The following GPC5 variants were observed in gnomAD, a reference collection of about 807,000 sequenced individuals.
GPC5 encodes the protein glypican 5.
GPC5 carries 47 observed loss-of-function variants against 53.9 expected under a neutral mutation model. The observed-to-expected ratio is 0.87, with a 90% CI of 0.69 to 1.11. The LOEUF (loss-of-function observed/expected upper bound fraction) is 1.11, where lower values mean the gene tolerates loss of function less well. Among genes scored for constraint, GPC5 ranks in the 50% most tolerant of loss-of-function variants. The pLI is 0.00. For missense variants in GPC5, 748 were observed against 713.1 expected (o/e 1.05, Z -0.56); for synonymous variants, 286 against 263.3 (o/e 1.09, Z -0.84).
chr13:91,672,150 AC>A (rs757971753), intron 2 of GPC5, among the ~76,000 whole-genome samples: 2 of 152,198 alleles, frequency 1.3e-5, no homozygotes, highest in African/African-American at 4.8e-5. Context: ...CTAGTTGAAA[AC>A]CTAGGCAATA....
chr13:92,113,659 C>A (rs926423642), intron 6 of GPC5, among the ~76,000 whole-genome samples: 1 of 151,912 alleles, frequency 6.6e-6, no homozygotes, highest in Non-Finnish European at 1.5e-5. Flanking sequence ...CCAGAAATAC[C>A]ATATACAAGA....
chr13:91,923,599 T>C (rs900955976), intron 6 of GPC5, among the ~76,000 whole-genome samples: 1 of 141,166 alleles, frequency 7.1e-6, no homozygotes, highest in Non-Finnish European at 1.6e-5. Flanking sequence ...TTTTGCATTA[T>C]ATGTTTCACA....
intron 5 of GPC5, among the ~76,000 whole-genome samples, chr13:91,869,233 G>A (rs1286164156): frequency 2.0e-5 from 3 of 151,840 alleles, no homozygotes; most frequent in Non-Finnish European, 4.4e-5. Context: ...CTAATTTTTT[G>A]TATCTTTACT....
intron 7 of GPC5, among the ~76,000 whole-genome samples, chr13:92,195,912 G>C (rs1221330604): frequency 6.6e-6 from 1 of 152,122 alleles, no homozygotes; most frequent in African/African-American, 2.4e-5. Context: ...GGGGCTCTGA[G>C]AGTGACCTGA....
intron 5 of GPC5, among the ~76,000 whole-genome samples, chr13:91,808,255 T>A (rs1318376583): frequency 1.3e-5 from 2 of 152,184 alleles, no homozygotes; most frequent in South Asian, 4.1e-4. Context: ...ACTTCAGACA[T>A]GATTGAATAA....
intron 7 of GPC5, among the ~76,000 whole-genome samples, chr13:92,272,294 ACAT>A (rs2042845254): frequency 6.6e-6 from 1 of 152,210 alleles, no homozygotes; most frequent in Admixed American, 6.5e-5. Context: ...AGGGAAAGTC[ACAT>A]CATCATAGAA....
chr13:91,850,999 A>G (rs1373878103), intron 5 of GPC5, among the ~76,000 whole-genome samples: 1 of 152,190 alleles, frequency 6.6e-6, no homozygotes, highest in Non-Finnish European at 1.5e-5. Context: ...AGCCTTCTGC[A>G]GGATATAAGT....
intron 7 of GPC5, among the ~76,000 whole-genome samples, chr13:92,374,703 T>C (rs1299104928): frequency 9.7e-5 from 2 of 20,536 alleles, no homozygotes; most frequent in Non-Finnish European, 1.8e-4. Flanking sequence ...GGGACTGTGG[T>C]GGGGTTGGGG....
chr13:91,406,010 A>G (rs1877298576), intron 1 of GPC5, among the ~76,000 whole-genome samples: 1 of 152,164 alleles, frequency 6.6e-6, no homozygotes, highest in Non-Finnish European at 1.5e-5. Context: ...GGGCTCAAGC[A>G]GTCTGCATAC....
chr13:92,679,881 ACCCCCCCAC>A (rs1304489392), intron 7 of GPC5, among the ~76,000 whole-genome samples: 1 of 111,532 alleles, frequency 9.0e-6, no homozygotes, highest in Non-Finnish European at 1.9e-5. Context: ...TCCTCTCTCC[ACCCCCCCAC>A]CCTCCCCACC....
At chr13:92,664,608 T>C (rs1422683572) in intron 7 of GPC5, among the ~76,000 whole-genome samples, 1 of 152,108 alleles carries the variant, frequency 6.6e-6, no homozygotes, top group East Asian at 1.9e-4. Context: ...CCAACCTCAA[T>C]GATAACTTTT....
chr13:91,443,581 G>GT (rs1328125529), intron 1 of GPC5, among the ~76,000 whole-genome samples: 11 of 152,166 alleles, frequency 7.2e-5, no homozygotes, highest in Admixed American at 6.5e-4. Flanking sequence ...TACGTAAGAT[G>GT]TTTTAGTCAG....
chr13:92,045,548 T>G (rs1468731540), intron 6 of GPC5, among the ~76,000 whole-genome samples: 1 of 152,126 alleles, frequency 6.6e-6, no homozygotes, highest in East Asian at 1.9e-4. Context: ...ATGATCATGA[T>G]TGTCACCATC....
intron 5 of GPC5, among the ~76,000 whole-genome samples, chr13:91,799,355 A>C (rs1490423665): frequency 1.3e-5 from 2 of 152,178 alleles, no homozygotes; most frequent in Non-Finnish European, 2.9e-5. Context: ...GAAGAGGGGC[A>C]AGGGTTGAAA....
At chr13:92,105,085 CT>C (rs1215380713) in intron 6 of GPC5, among the ~76,000 whole-genome samples, 1 of 151,616 alleles carries the variant, frequency 6.6e-6, no homozygotes, top group Non-Finnish European at 1.5e-5. Flanking sequence ...ATATTCCTAA[CT>C]TTTTAATTGA....
intron 3 of GPC5, among the ~76,000 whole-genome samples, chr13:91,706,809 GA>G (rs2036115867): frequency 6.6e-6 from 1 of 151,922 alleles, no homozygotes; most frequent in African/African-American, 2.4e-5. Flanking sequence ...AAAAGAAAAT[GA>G]AAAACAAGAA....
At chr13:92,733,165 GTTAT>G (rs1399669730) in intron 7 of GPC5, among the ~76,000 whole-genome samples, 5 of 151,632 alleles carry the variant, frequency 3.3e-5, no homozygotes, top group African/African-American at 1.2e-4. Flanking sequence ...TGCAGCAGAT[GTTAT>G]TTATAACATT....
At chr13:92,330,247 G>T (rs1454873298) in intron 7 of GPC5, among the ~76,000 whole-genome samples, 2 of 152,100 alleles carry the variant, frequency 1.3e-5, no homozygotes, top group Non-Finnish European at 2.9e-5. Flanking sequence ...TCTCTTCATT[G>T]GTTAAAGGAG....
intron 7 of GPC5, among the ~76,000 whole-genome samples, chr13:92,626,481 C>T (rs149187844): frequency 1.3e-5 from 2 of 152,186 alleles, no homozygotes; most frequent in Non-Finnish European, 2.9e-5. Flanking sequence ...GTGTGGTGAA[C>T]GTTGGGGATA....
Sources: allele counts gnomAD v4.1 joint callset (sites outside exome capture counted in the v4.1 genomes callset), GRCh38; gene constraint gnomAD v4.1.1; transcripts MANE v1.5; gene names NCBI Gene and HGNC (gene_info 2026-07-23, HGNC 2026-07-21).